ARMC3: variants seen among roughly 807,000 people sequenced by gnomAD.
The protein encoded by ARMC3 is armadillo repeat-containing protein 3.
In ARMC3, 74 loss-of-function variants were observed where a neutral mutation model predicts 90.3. The ratio of observed to expected loss-of-function variants is 0.82; its 90% CI spans 0.68 to 0.99. ARMC3 has a LOEUF of 0.99. Among genes scored for constraint, ARMC3 ranks in the 50% least tolerant of loss-of-function variants. ARMC3 has a pLI of 0.00. For missense variants in ARMC3, 958 were observed against 1,042.8 expected, an observed-to-expected ratio of 0.92 and a Z score of 1.12; for synonymous variants, 334 against 361.8, an observed-to-expected ratio of 0.92 and a Z score of 0.87.
chr10:22,946,090 A>G (rs1224302168), intron 2 of ARMC3, 54 bp from the exon 3 acceptor site: 2 of 1,274,276 alleles, frequency 1.6e-6, no homozygotes, highest in Non-Finnish European at 2.2e-6. Context: ...TTCATTTTTA[A>G]TGTGATTTTT....
intron 11 of ARMC3, among the ~76,000 whole-genome samples, chr10:22,999,552 T>G (rs745723187): frequency 3.0e-4 from 45 of 152,250 alleles, no homozygotes; most frequent in Non-Finnish European, 5.0e-4. Context: ...AACCAACGTT[T>G]ATTTGGCACC....
chr10:22,956,580 G>A (rs974776051), intron 4 of ARMC3, among the ~76,000 whole-genome samples: 1 of 151,884 alleles, frequency 6.6e-6, no homozygotes, highest in African/African-American at 2.4e-5. Flanking sequence ...TCCAGCCTGG[G>A]TGACAGAGTG....
At chr10:23,003,561 C>G in intron 13 of ARMC3, 147 bp downstream of exon 13, 1 of 741,946 alleles carries the variant, frequency 1.3e-6, no homozygotes. Context: ...TCATTCTTAA[C>G]TTTAGTTATA....
At chr10:22,998,519 A>G in intron 11 of ARMC3, 122 bp downstream of exon 11, 1 of 1,273,136 alleles carries the variant, frequency 7.9e-7, no homozygotes, top group Non-Finnish European at 1.1e-6. Flanking sequence ...AACCGGTAAA[A>G]CAGTGGAAAA....
intron 2 of ARMC3, among the ~76,000 whole-genome samples, chr10:22,935,223 C>T (rs1834066752): frequency 1.3e-5 from 2 of 152,286 alleles, no homozygotes; most frequent in South Asian, 4.1e-4. Context: ...AGTAGTGCAA[C>T]ATGCCCCCTC....
chr10:23,010,443 CTCCTTCCTTT>C (rs1837896350), intron 16 of ARMC3, among the ~76,000 whole-genome samples: 2 of 4,324 alleles, frequency 4.6e-4, no homozygotes, highest in Non-Finnish European at 1.6e-3. Context: ...TCCCTCCCCT[CTCCTTCCTTT>C]CCCTCCTCCC....
At chr10:22,986,385 C>T (rs1836440883) in intron 10 of ARMC3, among the ~76,000 whole-genome samples, 1 of 151,860 alleles carries the variant, frequency 6.6e-6, no homozygotes. Context: ...AACCCCATCT[C>T]TACTAAAAAT....
At chr10:22,946,024 G>A in intron 2 of ARMC3, 120 bp from the exon 3 acceptor site, 2 of 636,356 alleles carry the variant, frequency 3.1e-6, no homozygotes, top group Non-Finnish European at 5.3e-6. Context: ...TGCACTTATT[G>A]GGCAGTGACC....
intron 8 of ARMC3, among the ~76,000 whole-genome samples, chr10:22,974,756 C>T (rs1835842723): frequency 6.6e-6 from 1 of 152,044 alleles, no homozygotes; most frequent in Admixed American, 6.6e-5. Flanking sequence ...GATTCTCTTG[C>T]CCCAGCCTCC....
intron 11 of ARMC3, among the ~76,000 whole-genome samples, chr10:22,998,773 A>C (rs1837140800): frequency 6.6e-6 from 1 of 152,244 alleles, no homozygotes; most frequent in Non-Finnish European, 1.5e-5. Flanking sequence ...GTGAAAATGA[A>C]TGAGCTACAG....
chr10:23,009,364 C>T (rs978503133), intron 16 of ARMC3, among the ~76,000 whole-genome samples: 3 of 152,202 alleles, frequency 2.0e-5, no homozygotes, highest in Non-Finnish European at 2.9e-5. Context: ...TTTGCTTCCA[C>T]GGCCCTCCCC....
intron 10 of ARMC3, among the ~76,000 whole-genome samples, chr10:22,984,107 A>C (rs548224390): frequency 6.6e-6 from 1 of 152,338 alleles, no homozygotes; most frequent in East Asian, 1.9e-4. Flanking sequence ...AGATGTTTGA[A>C]TATCTGATCA....
chr10:23,023,586 C>G (rs539742126), intron 16 of ARMC3, among the ~76,000 whole-genome samples: 3 of 152,120 alleles, frequency 2.0e-5, no homozygotes, highest in Non-Finnish European at 4.4e-5. Flanking sequence ...CTTCAACAAT[C>G]CATTACAAAT....
rs543743970 is a variant in ARMC3, at chr10:22,986,631, G to A, written c.1175+4931G>A. On this transcript the variant is annotated intron_variant, in intron 10 of 18. Transcript: ENST00000298032. The stretch of plus-strand genomic sequence containing the variant: ...AAAAACCCAAAAGTAAAAGAAAAGT[G>A]ATGAAAACAAAGTCTATTTGACAAA... Among the ~76,000 whole-genome samples, 16 of 149,930 alleles carry A rather than the reference G, an allele frequency of 1.1e-4. No individual in the cohort carries two copies. In the South Asian group the frequency reaches 3.4e-3, roughly 32 times the overall value.
At chr10:22,956,336 T>G (rs946754931) in intron 4 of ARMC3, among the ~76,000 whole-genome samples, 1 of 152,162 alleles carries the variant, frequency 6.6e-6, no homozygotes, top group Admixed American at 6.5e-5. Context: ...CAAACTATAT[T>G]TTGCAAAAGA....
chr10:23,011,682 T>A (rs1404699019), intron 16 of ARMC3, among the ~76,000 whole-genome samples: 1 of 152,140 alleles, frequency 6.6e-6, no homozygotes, highest in Non-Finnish European at 1.5e-5. Flanking sequence ...GCTTGCTTTT[T>A]TTTTACAGCC....
rs987258740 is a variant in ARMC3, at chr10:23,032,854, G to A, written c.2247-7G>A. 6.2e-7 allele frequency: 1 copy of A among 1,608,208 alleles called. No homozygotes were observed. The highest frequency in any genetic ancestry group is 8.5e-7 in the Non-Finnish European group (1 of 1,177,280). ...TGACCGATTTGATCTCAATGTAATT[G>A]ACACAGGTATGTAGCAGAAAAAATG... On this transcript the variant is annotated splice_region_variant and splice_polypyrimidine_tract_variant and intron_variant, in intron 17 of 18. Transcript: ENST00000298032.
chr10:23,009,508 C>G (rs117043006), intron 16 of ARMC3, among the ~76,000 whole-genome samples: 2 of 102,136 alleles, frequency 2.0e-5, no homozygotes, highest in Non-Finnish European at 4.8e-5. Flanking sequence ...GTTTTGTTTT[C>G]TGAGGCAGAG....
chr10:22,974,901 C>T (rs185836705), intron 8 of ARMC3, among the ~76,000 whole-genome samples: 3 of 142,196 alleles, frequency 2.1e-5, no homozygotes, highest in Non-Finnish European at 4.6e-5. Flanking sequence ...CTTGGCCTCC[C>T]GAAGTGCTGG....
Sources: gnomAD v4.1 joint callset for allele counts (sites outside exome capture counted in the v4.1 genomes callset) on GRCh38, gnomAD v4.1.1 for gene constraint, MANE v1.5 for transcripts, NCBI Gene and HGNC (gene_info 2026-07-23, HGNC 2026-07-21) for gene names.